CDH13: variants seen among roughly 807,000 people sequenced by gnomAD.
CDH13 encodes cadherin 13, also known as cadherin-13.
In CDH13, 24 loss-of-function variants were observed where a neutral mutation model predicts 63.8. The ratio of observed to expected loss-of-function variants is 0.38; its 90% CI spans 0.27 to 0.53. The LOEUF (loss-of-function observed/expected upper bound fraction) is 0.53, where lower values mean the gene tolerates loss of function less well. Ranked by LOEUF, CDH13 falls within the 20% of genes least tolerant of loss-of-function variation. The pLI is 0.85. For synonymous variants in CDH13, 503 were observed against 355.3 expected, an observed-to-expected ratio of 1.42 and a Z score of -4.67; for missense variants, 1,049 against 903.1, an observed-to-expected ratio of 1.16 and a Z score of -2.07.
At chr16:82,657,061 C>G (rs1246828308) in intron 1 of CDH13, among the ~76,000 whole-genome samples, 2 of 151,792 alleles carry the variant, frequency 1.3e-5, no homozygotes, top group East Asian at 1.9e-4. Context: ...TTTGTGTTTC[C>G]TCATATAGAT....
At chr16:83,393,050 C>G (rs536976790) in intron 6 of CDH13, among the ~76,000 whole-genome samples, 1 of 152,138 alleles carries the variant, frequency 6.6e-6, no homozygotes, top group African/African-American at 2.4e-5. Context: ...GGGCCAGAGA[C>G]AGTTCCCTGC....
intron 6 of CDH13, among the ~76,000 whole-genome samples, chr16:83,379,905 A>ATC: frequency 8.7e-6 from 1 of 114,778 alleles, no homozygotes; most frequent in African/African-American, 3.3e-5. Context: ...TATATGTATT[A>ATC]TATATGTGTG....
At chr16:83,003,210 G>A (rs1284538970) in intron 2 of CDH13, among the ~76,000 whole-genome samples, 1 of 152,174 alleles carries the variant, frequency 6.6e-6, no homozygotes, top group Admixed American at 6.5e-5. Flanking sequence ...GGCCTCTGAG[G>A]CCAATGCAAA....
chr16:83,318,752 T>C (rs944617617), intron 5 of CDH13, among the ~76,000 whole-genome samples: 17 of 152,156 alleles, frequency 1.1e-4, no homozygotes, highest in Middle Eastern at 3.2e-3. Context: ...CAGGAACAAA[T>C]GGCGAGGCAC....
chr16:83,076,857 C>T (rs376519573), intron 3 of CDH13, among the ~76,000 whole-genome samples: 1 of 152,188 alleles, frequency 6.6e-6, no homozygotes, highest in African/African-American at 2.4e-5. Context: ...TTTTGACAAA[C>T]ATATATTACT....
chr16:83,617,253 G>C (rs1181536132), intron 8 of CDH13, among the ~76,000 whole-genome samples: 2 of 152,134 alleles, frequency 1.3e-5, no homozygotes, highest in African/African-American at 4.8e-5. Context: ...ACTTATTACA[G>C]AACTGTGTTT....
rs186765291 is a variant in CDH13 at position 83,451,875 on chromosome 16, A to T, written c.782-34602A>T. Among the ~76,000 whole-genome samples, 507 of 152,300 alleles carry T rather than the reference A, an allele frequency of 3.3e-3. 7 individuals are homozygous for T. The highest frequency in any genetic ancestry group is 9.0e-4 in the Non-Finnish European group (61 of 68,020). On this transcript the variant is annotated intron_variant, in intron 6 of 13. Coordinates refer to ENST00000567109, the MANE Select transcript of CDH13 (RefSeq NM_001257.5). ...CCTATTTTTTCTTTTCAAACTGAAC[A>T]TCTTTATATTCGAGGTTAATTTAAA...
intron 1 of CDH13, among the ~76,000 whole-genome samples, chr16:82,727,162 G>A (rs1419440899): frequency 1.3e-5 from 2 of 152,142 alleles, no homozygotes; most frequent in African/African-American, 2.4e-5. Context: ...GACAGCAACA[G>A]AGCAGCCGTT....
intron 5 of CDH13, among the ~76,000 whole-genome samples, chr16:83,341,573 T>C (rs1450328772): frequency 2.0e-5 from 3 of 152,212 alleles, no homozygotes; most frequent in Non-Finnish European, 4.4e-5. Context: ...TTATATATTT[T>C]ATTCAGTCTA....
rs372041940 is a variant in CDH13, at chr16:82,660,789, C to A, written c.45+33652C>A. On this transcript the variant is annotated intron_variant, in intron 1 of 13. Coordinates refer to ENST00000567109, the MANE Select transcript of CDH13 (RefSeq NM_001257.5). The stretch of plus-strand genomic sequence containing the variant: ...GCATGGCGGGTGGTTTTCTTTCCCC[C>A]CTCGTTTTATTTAGACGTCTGCTGC... Among the ~76,000 whole-genome samples the A allele has an allele frequency of 2.2e-3, 336 of 152,268 alleles. 1 individual carries two copies. The highest frequency in any genetic ancestry group is 3.9e-3 in the Non-Finnish European group (267 of 68,022).
intron 3 of CDH13, among the ~76,000 whole-genome samples, chr16:83,052,536 T>C (rs1433754469): frequency 6.6e-6 from 1 of 152,094 alleles, no homozygotes. Context: ...TCCCAACAGT[T>C]TGGGAGGCCA....
intron 1 of CDH13, among the ~76,000 whole-genome samples, chr16:82,677,722 G>T (rs554920651): frequency 1.1e-4 from 16 of 152,156 alleles, no homozygotes; most frequent in Middle Eastern, 3.4e-3. Context: ...TTTTTTAAAG[G>T]TTCCTCTCAT....
intron 10 of CDH13, among the ~76,000 whole-genome samples, chr16:83,725,324 T>C (rs1419670040): frequency 1.3e-5 from 2 of 152,220 alleles, no homozygotes; most frequent in East Asian, 1.9e-4. Flanking sequence ...CCTGTGGATC[T>C]AATCTATCCT....
chr16:83,504,472 A>T (rs1189738203), intron 7 of CDH13, among the ~76,000 whole-genome samples: 4 of 152,166 alleles, frequency 2.6e-5, no homozygotes, highest in African/African-American at 9.7e-5. Context: ...TGTCGCTACC[A>T]CTGGGACGGG....
chr16:83,463,098 G>A (rs1010243694), intron 6 of CDH13, among the ~76,000 whole-genome samples: 9 of 152,070 alleles, frequency 5.9e-5, no homozygotes, highest in African/African-American at 1.9e-4. Context: ...GAGTGTTGGG[G>A]CAGACTTTCT....
chr16:83,167,996 A>C (rs1405490202), intron 4 of CDH13, among the ~76,000 whole-genome samples: 1 of 152,046 alleles, frequency 6.6e-6, no homozygotes, highest in East Asian at 1.9e-4. Context: ...GGACCTAAAC[A>C]GTGAATACTC....
chr16:82,915,807 A>T (rs1191447645), intron 2 of CDH13, among the ~76,000 whole-genome samples: 2 of 150,386 alleles, frequency 1.3e-5, no homozygotes. Context: ...ACCCTCTGAC[A>T]TACACCCTCT....
At chr16:83,119,987 C>T (rs907461507) in intron 3 of CDH13, among the ~76,000 whole-genome samples, 2 of 152,174 alleles carry the variant, frequency 1.3e-5, no homozygotes, top group Non-Finnish European at 2.9e-5. Flanking sequence ...TGAAGTTTCT[C>T]CTAATGTCAG....
intron 2 of CDH13, among the ~76,000 whole-genome samples, chr16:82,907,110 C>T (rs985555591): frequency 6.6e-6 from 1 of 152,138 alleles, no homozygotes; most frequent in East Asian, 1.9e-4. Flanking sequence ...TTATTCAAGG[C>T]CTACTCCATA....
Sources: gnomAD v4.1 joint callset for allele counts (sites outside exome capture counted in the v4.1 genomes callset) on GRCh38, gnomAD v4.1.1 for gene constraint, MANE v1.5 for transcripts, NCBI Gene and HGNC (gene_info 2026-07-23, HGNC 2026-07-21) for gene names.